Variants in CEP55 observed in about 807,000 individuals in gnomAD.
The protein encoded by CEP55 is centrosomal protein 55.
A neutral mutation model predicts 63.2 loss-of-function variants in CEP55; 57 were observed. That is an observed-to-expected ratio of 0.90 (90% CI 0.73 to 1.13). The LOEUF is 1.13. CEP55 is among the 50% of genes most tolerant of loss of function. The pLI, the probability that CEP55 is intolerant of heterozygous loss-of-function variation, is 0.00. For missense variants in CEP55, 456 were observed against 518.9 expected (o/e 0.88, Z 1.18); for synonymous variants, 178 against 191.6 (o/e 0.93, Z 0.59).
chr10:93,515,432 G>A lies in CEP55; in HGVS notation c.556G>A (p.Val186Met), dbSNP rs555374318. 5.6e-4 allele frequency: 898 copies of A among 1,610,702 alleles called. 20 individuals are homozygous for A. The South Asian group carries it at 9.3e-3, about 17-fold the overall frequency. The change falls in exon 5 of 9, where the codon GTG becomes ATG. Residue 186 changes from valine (V) to methionine (M), a missense_variant. Val to Met is a conservative substitution (Grantham distance 21). Transcript: ENST00000371485. ...TCTGGAGAAAAATCAGCAGTGGCTC[G>A]TGTATGATCAGCAGCGGGAAGTCTA... ...DALEKNQQWL[V>M]YDQQREVYVK...
chr10:93,519,633 C>T, intron 7 of CEP55, 49 bp from the exon 8 acceptor site: 1 of 1,594,004 alleles, frequency 6.3e-7, no homozygotes, highest in Non-Finnish European at 8.5e-7. Context: ...GTCAAGAGAA[C>T]TAGACAGTCT....
chr10:93,504,922 C>T (rs2134461558), intron 3 of CEP55, among the ~76,000 whole-genome samples: 1 of 152,286 alleles, frequency 6.6e-6, no homozygotes, highest in South Asian at 2.1e-4. Flanking sequence ...AGTAATTCTC[C>T]TGCCTCAGCC....
At chr10:93,512,152 G>A (rs1291306305) in intron 4 of CEP55, among the ~76,000 whole-genome samples, 2 of 148,590 alleles carry the variant, frequency 1.3e-5, no homozygotes, top group African/African-American at 5.0e-5. Context: ...GCTGGAACCC[G>A]GGAGGCAGAG....
intron 8 of CEP55, among the ~76,000 whole-genome samples, chr10:93,520,671 CT>C (rs2134493422): frequency 6.6e-6 from 1 of 151,988 alleles, no homozygotes; most frequent in South Asian, 2.1e-4. Context: ...GAATATATGT[CT>C]GTCCCACTAG....
intron 8 of CEP55, among the ~76,000 whole-genome samples, chr10:93,527,648 T>A (rs1056175367): frequency 6.6e-6 from 1 of 152,102 alleles, no homozygotes; most frequent in Admixed American, 6.6e-5. Flanking sequence ...GGCAGATCAC[T>A]TGAGCTTAGG....
At chr10:93,501,983 T>C (rs1311487863) in intron 2 of CEP55, among the ~76,000 whole-genome samples, 2 of 152,246 alleles carry the variant, frequency 1.3e-5, no homozygotes, top group African/African-American at 4.8e-5. Context: ...ACCCATTTGT[T>C]CTAATTGTGC....
chr10:93,517,004 T>C lies in CEP55; in HGVS notation c.749T>C (p.Val250Ala). 1 of 1,609,080 alleles carries C rather than the reference T, an allele frequency of 6.2e-7. No individual in the cohort carries two copies. The highest frequency in any genetic ancestry group is 8.5e-7 in the Non-Finnish European group (1 of 1,176,494). Reference protein sequence around the residue: ...LLASAKKDLEVERQTITQLSF... With the variant: ...LLASAKKDLEAERQTITQLSF... Reference sequence around the variant, plus strand: ...GCAAGTGCAAAAAAAGATCTTGAGGTTGAACGACAAACCATAACTCAGCTG... The same window carrying C: ...GCAAGTGCAAAAAAAGATCTTGAGGCTGAACGACAAACCATAACTCAGCTG... The change falls in exon 6 of 9, where the codon GTT becomes GCT. Residue 250 changes from valine to alanine, a missense_variant. Val to Ala is a moderately conservative substitution (Grantham distance 64, BLOSUM62 0). Coordinates refer to ENST00000371485, the MANE Select transcript of CEP55 (RefSeq NM_018131.5).
At chr10:93,499,100 C>T (rs564938872) in intron 1 of CEP55, among the ~76,000 whole-genome samples, 2 of 152,308 alleles carry the variant, frequency 1.3e-5, no homozygotes, top group South Asian at 2.1e-4. Flanking sequence ...GTACTGTTAG[C>T]AGATACTGAG....
intron 4 of CEP55, among the ~76,000 whole-genome samples, chr10:93,514,791 G>C (rs985856316): frequency 6.6e-6 from 1 of 152,020 alleles, no homozygotes; most frequent in African/African-American, 2.4e-5. Context: ...GTTTTTTTGA[G>C]AGACGCAGTT....
chr10:93,499,157 C>T (rs1231552652), intron 1 of CEP55, among the ~76,000 whole-genome samples: 1 of 152,038 alleles, frequency 6.6e-6, no homozygotes, highest in South Asian at 2.1e-4. Context: ...CCTTTCATGC[C>T]TGACTCCCCT....
intron 4 of CEP55, among the ~76,000 whole-genome samples, chr10:93,508,161 C>A (rs1003500095): frequency 3.3e-5 from 5 of 152,138 alleles, no homozygotes; most frequent in Non-Finnish European, 7.3e-5. Flanking sequence ...TTATTGCAAA[C>A]TGATAAATGG....
chr10:93,506,929 TA>T, intron 3 of CEP55, 58 bp from the exon 4 acceptor site: 1 of 1,092,610 alleles, frequency 9.2e-7, no homozygotes, highest in Non-Finnish European at 1.4e-6. Flanking sequence ...ATGGTGAATG[TA>T]ATGAGGCAAC....
chr10:93,515,374 A>C, intron 4 of CEP55, 31 bp from the exon 5 acceptor site: 2 of 1,556,672 alleles, frequency 1.3e-6, no homozygotes, highest in South Asian at 2.3e-5. Context: ...TTTTTATTTT[A>C]CTGTTGATTT....
chr10:93,520,959 A>G (rs1355951250), intron 8 of CEP55, among the ~76,000 whole-genome samples: 1 of 152,152 alleles, frequency 6.6e-6, no homozygotes, highest in Non-Finnish European at 1.5e-5. Flanking sequence ...TATGCAAAAG[A>G]ATTTGTAATT....
At chr10:93,527,083 TAAAAAA>T (rs67405914) in intron 8 of CEP55, among the ~76,000 whole-genome samples, 95,170 of 150,616 alleles carry the variant, frequency 0.63, 33,321 homozygotes, top group Non-Finnish European at 0.77. Flanking sequence ...AAAGTATAAT[TAAAAAA>T]AAAAAAGAAT....
At position 93,503,412 on chromosome 10, in the gene CEP55, A is replaced by C. The variant is rs530465711; in HGVS notation, c.459+24A>C. On this transcript the variant is annotated intron_variant, in intron 3 of 8. Coordinates refer to ENST00000371485, the MANE Select transcript of CEP55 (RefSeq NM_018131.5). Reference sequence around the variant, plus strand: ...AGGTGCTAATCATTTCTTTAAACCCAGATTTTTTTTTTCTTTCTGATACAG... The same window carrying C: ...AGGTGCTAATCATTTCTTTAAACCCCGATTTTTTTTTTCTTTCTGATACAG... 3 of 1,582,984 alleles carry C rather than the reference A, an allele frequency of 1.9e-6. No individual in the cohort carries two copies. In the South Asian group the frequency reaches 3.5e-5, roughly 18 times the overall value.
At chr10:93,498,202 G>A (rs1431768318) in intron 1 of CEP55, among the ~76,000 whole-genome samples, 1 of 152,070 alleles carries the variant, frequency 6.6e-6, no homozygotes, top group African/African-American at 2.4e-5. Flanking sequence ...GGAGGTTGGT[G>A]GGACTAGGTG....
chr10:93,522,886 G>C (rs2057878727), intron 8 of CEP55, among the ~76,000 whole-genome samples: 1 of 152,164 alleles, frequency 6.6e-6, no homozygotes, highest in South Asian at 2.1e-4. Context: ...ACAAGCAAAT[G>C]CTGAGAGATT....
At position 93,517,051 on chromosome 10, in the gene CEP55, C is replaced by T. The variant is rs778195970; in HGVS notation, c.796C>T (p.Arg266Ter). 18 of 1,613,718 alleles carry T rather than the reference C, an allele frequency of 1.1e-5. No homozygotes were observed. Among genetic ancestry groups the T allele is most frequent in the Admixed American group, 3.3e-5 (2 of 59,970 alleles). ...GCTGAGTTTTGAACTGAGTGAATTTCGAAGAAAATATGAAGAAACCCAAAA... is the reference window on the plus strand; with the variant it reads ...GCTGAGTTTTGAACTGAGTGAATTTTGAAGAAAATATGAAGAAACCCAAAA... ...TQLSFELSEF[R>*]RKYEETQKEV... The change falls in exon 6 of 9, where the codon CGA becomes TGA. Residue 266 changes from arginine to a stop codon, truncating the protein, a stop_gained. Transcript: ENST00000371485. LOFTEE classifies it high-confidence loss of function.
Sources: allele counts gnomAD v4.1 joint callset (sites outside exome capture counted in the v4.1 genomes callset), GRCh38; gene constraint gnomAD v4.1.1; transcripts MANE v1.5; gene names NCBI Gene and HGNC (gene_info 2026-07-23, HGNC 2026-07-21).